SRBD1: variants seen among roughly 807,000 people sequenced by gnomAD.
SRBD1 encodes S1 RNA binding domain 1.
Under a neutral mutation model 115.3 loss-of-function variants are expected in SRBD1, and 88 were observed. The observed-to-expected ratio is 0.76, with a 90% confidence interval of 0.64 to 0.91. The LOEUF (loss-of-function observed/expected upper bound fraction) is 0.91, where lower values mean the gene tolerates loss of function less well. Ranked by LOEUF, SRBD1 falls within the 40% of genes least tolerant of loss-of-function variation. The pLI is 0.00. For synonymous variants in SRBD1, 509 were observed against 407.7 expected (o/e 1.25, Z -2.99); for missense variants, 1,385 against 1,177.4 (o/e 1.18, Z -2.58).
chr2:45,438,451 A>C (rs1668566334), intron 16 of SRBD1, among the ~76,000 whole-genome samples: 1 of 152,236 alleles, frequency 6.6e-6, no homozygotes, highest in Non-Finnish European at 1.5e-5. Context: ...GAAACAGCAG[A>C]CAAGAACTTT....
chr2:45,593,077 G>A (rs1244638130), intron 4 of SRBD1, among the ~76,000 whole-genome samples: 2 of 152,154 alleles, frequency 1.3e-5, no homozygotes, highest in African/African-American at 4.8e-5. Flanking sequence ...AGATAGGAAT[G>A]AGAGTAAAGG....
chr2:45,496,560 G>A (rs183483399), intron 14 of SRBD1, among the ~76,000 whole-genome samples: 2 of 152,200 alleles, frequency 1.3e-5, no homozygotes, highest in East Asian at 3.9e-4. Context: ...TTTACCTATA[G>A]CTGAATAAAG....
chr2:45,509,163 C>G (rs1390030183), intron 14 of SRBD1, among the ~76,000 whole-genome samples: 1 of 152,162 alleles, frequency 6.6e-6, no homozygotes, highest in African/African-American at 2.4e-5. Flanking sequence ...AAATCATCTA[C>G]CTACCCTAAT....
intron 17 of SRBD1, 58 bp downstream of exon 17, chr2:45,419,730 G>C (rs1309394560): frequency 6.7e-7 from 1 of 1,492,236 alleles, no homozygotes; most frequent in Non-Finnish European, 9.3e-7. Context: ...GCCGAGTTTG[G>C]ACTGGACAGC....
rs567064202 is a variant in SRBD1 at position 45,545,006 on chromosome 2, C to A, written c.1874+1726G>T. 8.5e-5 allele frequency among the ~76,000 whole-genome samples: 13 copies of A among 152,140 alleles called. No homozygotes were observed. The South Asian group carries it at 2.3e-3, about 27-fold the overall frequency. On this transcript the variant is annotated intron_variant, in intron 14 of 20. Coordinates refer to ENST00000263736, the MANE Select transcript of SRBD1 (RefSeq NM_018079.5). ...GATTAAAACAAAAGATGAGGCCGGG[C>A]GCGGTGGCTCATGCCTGTAATCGCA...
intron 11 of SRBD1, among the ~76,000 whole-genome samples, chr2:45,551,588 T>A (rs1236837424): frequency 6.6e-6 from 1 of 152,156 alleles, no homozygotes; most frequent in Non-Finnish European, 1.5e-5. Flanking sequence ...ACAGAGAGTG[T>A]ACGCACATTT....
intron 19 of SRBD1, among the ~76,000 whole-genome samples, chr2:45,396,568 T>A (rs1374608829): frequency 2.6e-5 from 4 of 152,210 alleles, no homozygotes; most frequent in African/African-American, 4.8e-5. Context: ...TAAGCACACA[T>A]CTGCACAAAG....
chr2:45,414,545 A>AGT (rs201906309), intron 18 of SRBD1, among the ~76,000 whole-genome samples: 1,955 of 108,396 alleles, frequency 0.018, 31 homozygotes, highest in Non-Finnish European at 0.019. Context: ...GTACACACAT[A>AGT]GTGTCTGTAG....
intron 15 of SRBD1, among the ~76,000 whole-genome samples, chr2:45,486,117 T>A (rs959902746): frequency 1.3e-5 from 2 of 152,212 alleles, no homozygotes; most frequent in Non-Finnish European, 2.9e-5. Flanking sequence ...TTTCATAGAA[T>A]CTTGTTGGAA....
At chr2:45,565,691 T>C (rs1336751372) in intron 9 of SRBD1, among the ~76,000 whole-genome samples, 2 of 152,246 alleles carry the variant, frequency 1.3e-5, no homozygotes, top group African/African-American at 2.4e-5. Flanking sequence ...ATGCACGGCA[T>C]GGGACAAAAA....
At chr2:45,509,503 G>A (rs1031998082) in intron 14 of SRBD1, among the ~76,000 whole-genome samples, 6 of 151,780 alleles carry the variant, frequency 4.0e-5, no homozygotes, top group Admixed American at 3.9e-4. Context: ...GGCTGAGGCA[G>A]GAGAATGGCG....
chr2:45,495,989 T>C (rs1161001497), intron 14 of SRBD1, among the ~76,000 whole-genome samples: 2 of 152,232 alleles, frequency 1.3e-5, no homozygotes, highest in Admixed American at 1.3e-4. Flanking sequence ...AAATTATTTA[T>C]GTCTTTTGTA....
intron 14 of SRBD1, among the ~76,000 whole-genome samples, chr2:45,492,231 A>G (rs1170617247): frequency 6.6e-6 from 1 of 152,266 alleles, no homozygotes; most frequent in Non-Finnish European, 1.5e-5. Flanking sequence ...TTTAAATAAC[A>G]GAATTGATAT....
intron 14 of SRBD1, among the ~76,000 whole-genome samples, chr2:45,533,714 C>T (rs1265039052): frequency 6.6e-6 from 1 of 151,958 alleles, no homozygotes; most frequent in African/African-American, 2.4e-5. Flanking sequence ...TAAAGGTTAT[C>T]AAAAACACTG....
In SRBD1 at chr2:45,493,983, A is replaced by G. The variant is rs146663581; in HGVS notation, c.1875-5652T>C. ...GTACATTCTCTCTGAACTAGCTATTATATTTTTAGCAATACATGCAAATGA... is the reference window on the plus strand; with the variant it reads ...GTACATTCTCTCTGAACTAGCTATTGTATTTTTAGCAATACATGCAAATGA... On this transcript the variant is annotated intron_variant, in intron 14 of 20. Coordinates refer to ENST00000263736, the MANE Select transcript of SRBD1 (RefSeq NM_018079.5). Among the ~76,000 whole-genome samples, 210 of 152,258 alleles carry G rather than the reference A, an allele frequency of 1.4e-3. 1 individual carries two copies. The East Asian group carries it at 0.031, about 23-fold the overall frequency.
intron 19 of SRBD1, among the ~76,000 whole-genome samples, chr2:45,399,026 C>T (rs890629850): frequency 1.3e-5 from 2 of 152,010 alleles, no homozygotes; most frequent in African/African-American, 4.8e-5. Context: ...AAATATCAGT[C>T]TTCTCACATT....
chr2:45,563,576 A>G (rs1331655329), intron 9 of SRBD1, among the ~76,000 whole-genome samples: 1 of 151,936 alleles, frequency 6.6e-6, no homozygotes, highest in Admixed American at 6.6e-5. Context: ...ATCAAGAAAA[A>G]CAACAGGAAA....
intron 14 of SRBD1, among the ~76,000 whole-genome samples, chr2:45,490,249 G>C (rs150947262): frequency 6.6e-6 from 1 of 152,060 alleles, no homozygotes; most frequent in Admixed American, 6.6e-5. Context: ...CATTATAGTG[G>C]CATTTCCTAA....
intron 16 of SRBD1, among the ~76,000 whole-genome samples, chr2:45,462,046 T>C (rs549754709): frequency 1.3e-5 from 2 of 151,986 alleles, no homozygotes; most frequent in Non-Finnish European, 2.9e-5. Context: ...TACAAAAACA[T>C]TACAGGAAAA....
Sources: gnomAD v4.1 joint callset for allele counts (sites outside exome capture counted in the v4.1 genomes callset) on GRCh38, gnomAD v4.1.1 for gene constraint, MANE v1.5 for transcripts, NCBI Gene and HGNC (gene_info 2026-07-23, HGNC 2026-07-21) for gene names.